The following KIRREL3 variants were observed in gnomAD, a reference collection of about 807,000 sequenced individuals.
KIRREL3 encodes the protein kirre like nephrin family adhesion molecule 3.
Under a neutral mutation model 89.7 loss-of-function variants are expected in KIRREL3, and 36 were observed. The observed-to-expected ratio is 0.40, with a 90% CI of 0.31 to 0.53. The LOEUF (loss-of-function observed/expected upper bound fraction) is 0.53, where lower values mean the gene tolerates loss of function less well. Ranked by LOEUF, KIRREL3 falls within the 20% of genes least tolerant of loss-of-function variation. The pLI is 0.49. For synonymous variants in KIRREL3, 445 were observed against 441.4 expected (o/e 1.01, Z -0.10); for missense variants, 864 against 1,056.6 (o/e 0.82, Z 2.53).
At position 126,454,533 on chromosome 11, in the gene KIRREL3, T is replaced by G. The variant is rs59736862; in HGVS notation, c.848+1816A>C. Among the ~76,000 whole-genome samples, 13,853 of 152,120 alleles carry G rather than the reference T, an allele frequency of 0.091. 829 individuals carry two copies. Among genetic ancestry groups the G allele is most frequent in the Admixed American group, 0.2 (3,085 of 15,286 alleles). ...CCCTGGGAAGCTAGCATGACAGATA[T>G]TTTCTGGGCATGTTGTACCTGGTGT... On this transcript the variant is annotated intron_variant, in intron 7 of 16. Coordinates refer to ENST00000525144, the MANE Select transcript of KIRREL3 (RefSeq NM_032531.4). This position sits in a 1 kb window ranked among gnomAD's most constrained non-coding sequence, Gnocchi z 5.8.
chr11:126,875,153 C>G (rs1016939268), intron 1 of KIRREL3, among the ~76,000 whole-genome samples: 1 of 152,108 alleles, frequency 6.6e-6, no homozygotes, highest in African/African-American at 2.4e-5. Context: ...ACCAATCAAC[C>G]AATATAGTCT....
rs1355791109 is a variant in KIRREL3 at position 126,905,362 on chromosome 11, C to G, written c.55+95093G>C. 6.6e-6 allele frequency among the ~76,000 whole-genome samples: 1 copy of G among 152,142 alleles called. No individual in the cohort carries two copies. Among genetic ancestry groups the G allele is most frequent in the African/African-American group, 2.4e-5 (1 of 41,438 alleles). Reference sequence around the variant, plus strand: ...GAAACTTCTAACCTTCAACTGCCTTCTTTTCTCATTTACACAACGCTATCC... The same window carrying G: ...GAAACTTCTAACCTTCAACTGCCTTGTTTTCTCATTTACACAACGCTATCC... On this transcript the variant is annotated intron_variant, in intron 1 of 16. Coordinates refer to ENST00000525144, the MANE Select transcript of KIRREL3 (RefSeq NM_032531.4). This position sits in a 1 kb window ranked among gnomAD's most constrained non-coding sequence, Gnocchi z 5.0.
rs564967342 is a variant in KIRREL3, at chr11:126,739,752, G to A, written c.56-176840C>T. ...GATGGAAAACACCTAAAGGAGAACC[G>A]TAGCCAACACTGCAAATCAGGCAGC... is the stretch of plus-strand genomic sequence containing the variant. On this transcript the variant is annotated intron_variant, in intron 1 of 16. Transcript: ENST00000525144. This position sits in a 1 kb window ranked among gnomAD's most constrained non-coding sequence, Gnocchi z 5.5. 5.9e-5 allele frequency among the ~76,000 whole-genome samples: 9 copies of A among 152,308 alleles called. No homozygotes were observed. Among genetic ancestry groups the A allele is most frequent in the East Asian group, 3.9e-4 (2 of 5,184 alleles).
intron 1 of KIRREL3, among the ~76,000 whole-genome samples, chr11:126,945,250 G>A (rs189107465): frequency 1.5e-4 from 23 of 152,238 alleles, no homozygotes; most frequent in Non-Finnish European, 2.6e-4. Flanking sequence ...AAACCATTGC[G>A]ATCCTTCTCA....
At chr11:126,810,615 C>A (rs761686585) in intron 1 of KIRREL3, among the ~76,000 whole-genome samples, 6 of 152,138 alleles carry the variant, frequency 3.9e-5, no homozygotes, top group Admixed American at 3.9e-4. Flanking sequence ...CATCTCTGTG[C>A]TCAGGCCCTA....
chr11:126,861,984 C>A (rs1490057537), intron 1 of KIRREL3, among the ~76,000 whole-genome samples: 2 of 152,238 alleles, frequency 1.3e-5, no homozygotes, highest in African/African-American at 4.8e-5. Flanking sequence ...TCGTAGGCAC[C>A]TGGGCATGGA....
At position 126,917,950 on chromosome 11, in the gene KIRREL3, G is replaced by A. The variant is rs530039929; in HGVS notation, c.55+82505C>T. On this transcript the variant is annotated intron_variant, in intron 1 of 16. Transcript: ENST00000525144. This position sits in a 1 kb window ranked among gnomAD's most constrained non-coding sequence, Gnocchi z 5.0. ...TGTGATGACACATCTTACAGTGATG[G>A]AGCAGAATTTAGATGCTGTGACTCA... is the stretch of plus-strand genomic sequence containing the variant. 6.6e-6 allele frequency among the ~76,000 whole-genome samples: 1 copy of A among 152,248 alleles called. No individual in the cohort carries two copies. Among genetic ancestry groups the A allele is most frequent in the Non-Finnish European group, 1.5e-5 (1 of 68,026 alleles).
chr11:126,810,846 G>T (rs1468395262), intron 1 of KIRREL3, among the ~76,000 whole-genome samples: 1 of 152,206 alleles, frequency 6.6e-6, no homozygotes, highest in Non-Finnish European at 1.5e-5. Context: ...AGCTGTGGTT[G>T]CAGTTCTGAC....
rs1046569914 is a variant in KIRREL3, at chr11:126,565,554, G to A, written c.56-2642C>T. ...CACACTGCAGAAATTTATTAAGTGC[G>A]AGGGCTCTCTGACTGAGACTTTGTA... On this transcript the variant is annotated intron_variant, in intron 1 of 16. Transcript: ENST00000525144. This position sits in a 1 kb window ranked among gnomAD's most constrained non-coding sequence, Gnocchi z 5.4. Among the ~76,000 whole-genome samples, 10 of 152,196 alleles carry A rather than the reference G, an allele frequency of 6.6e-5. No homozygotes were observed. The highest frequency in any genetic ancestry group is 1.2e-4 in the Non-Finnish European group (8 of 68,040).
Position 126,989,397 on chromosome 11 carries a change from G to C in KIRREL3, c.55+11058C>G, listed in dbSNP as rs1376777850. 6.6e-6 allele frequency among the ~76,000 whole-genome samples: 1 copy of C among 152,142 alleles called. No homozygotes were observed. Among genetic ancestry groups the C allele is most frequent in the African/African-American group, 2.4e-5 (1 of 41,426 alleles). On this transcript the variant is annotated intron_variant, in intron 1 of 16. Coordinates refer to ENST00000525144, the MANE Select transcript of KIRREL3 (RefSeq NM_032531.4). This position sits in a 1 kb window ranked among gnomAD's most constrained non-coding sequence, Gnocchi z 6.2. ...GAGCGGCAAGGGACTCTGATGGTGA[G>C]TCAGCTGAGGGAAGCTGCTGGGGTC...
rs952527626 is a variant in KIRREL3 at position 126,739,451 on chromosome 11, G to T, written c.56-176539C>A. Among the ~76,000 whole-genome samples the T allele has an allele frequency of 6.6e-6, 1 of 152,204 alleles. No homozygotes were observed. The highest frequency in any genetic ancestry group is 1.5e-5 in the Non-Finnish European group (1 of 68,038). On this transcript the variant is annotated intron_variant, in intron 1 of 16. Transcript: ENST00000525144. This position sits in a 1 kb window ranked among gnomAD's most constrained non-coding sequence, Gnocchi z 5.5. ...ATCTGGGTAAAGCAAAACAGCTCTTGAGTAGTATTTGCTCTGTCAGTCAGT... is the reference window on the plus strand; with the variant it reads ...ATCTGGGTAAAGCAAAACAGCTCTTTAGTAGTATTTGCTCTGTCAGTCAGT...
At position 126,796,375 on chromosome 11, in the gene KIRREL3, G is replaced by A. The variant is rs1950811581; in HGVS notation, c.55+204080C>T. 1.3e-5 allele frequency among the ~76,000 whole-genome samples: 2 copies of A among 152,210 alleles called. No homozygotes were observed. The highest frequency in any genetic ancestry group is 1.3e-4 in the Admixed American group (2 of 15,290). ...GGCTGGGGATTGTCTTGGATGGAAG[G>A]ATCTCATTCTGCCCGTCCTGTCCCG... On this transcript the variant is annotated intron_variant, in intron 1 of 16. Transcript: ENST00000525144. The surrounding 1 kb of genome is among the most constrained non-coding windows in gnomAD (Gnocchi z 5.1).
intron 1 of KIRREL3, among the ~76,000 whole-genome samples, chr11:126,857,345 G>A (rs1287523996): frequency 6.6e-6 from 1 of 152,364 alleles, no homozygotes; most frequent in East Asian, 1.9e-4. Flanking sequence ...CCAACTTGCA[G>A]AGAACAGGAA....
At chr11:126,452,641 C>A (rs993369431) in intron 7 of KIRREL3, among the ~76,000 whole-genome samples, 1 of 152,250 alleles carries the variant, frequency 6.6e-6, no homozygotes, top group Non-Finnish European at 1.5e-5. Context: ...GAAGCCCCAC[C>A]TGCTTGGCCC....
intron 1 of KIRREL3, among the ~76,000 whole-genome samples, chr11:126,960,459 G>C (rs1468986753): frequency 6.6e-6 from 1 of 152,176 alleles, no homozygotes; most frequent in Non-Finnish European, 1.5e-5. Context: ...GGGATCTTAA[G>C]ACTTTGATTT....
chr11:126,913,011 C>T (rs934790294), intron 1 of KIRREL3, among the ~76,000 whole-genome samples: 4 of 152,320 alleles, frequency 2.6e-5, no homozygotes, highest in Admixed American at 2.0e-4. Context: ...GCTGAGCACA[C>T]GTAGTTACCA....
At position 126,909,479 on chromosome 11, in the gene KIRREL3, C is replaced by T. The variant is rs898124576; in HGVS notation, c.55+90976G>A. Among the ~76,000 whole-genome samples the T allele has an allele frequency of 2.0e-5, 3 of 152,184 alleles. No homozygotes were observed. Among genetic ancestry groups the T allele is most frequent in the South Asian group, 4.1e-4 (2 of 4,830 alleles). On this transcript the variant is annotated intron_variant, in intron 1 of 16. Transcript: ENST00000525144. The surrounding 1 kb of genome is among the most constrained non-coding windows in gnomAD (Gnocchi z 4.5). ...TATTCCTTCAGCACGTGCTAAGCGC[C>T]GACTCTCAGGGCATGGCTCTGAGGA...
Position 126,642,296 on chromosome 11 carries a change from G to A in KIRREL3, c.56-79384C>T, listed in dbSNP as rs1944501110. Among the ~76,000 whole-genome samples the A allele has an allele frequency of 6.6e-6, 1 of 152,218 alleles. No homozygotes were observed. Among genetic ancestry groups the A allele is most frequent in the Non-Finnish European group, 1.5e-5 (1 of 68,040 alleles). ...TTCCCCATTTCTGAGACCAGCAAGA[G>A]GCTCTGTTTGCGCCAAGTCTCCCTG... On this transcript the variant is annotated intron_variant, in intron 1 of 16. Coordinates refer to ENST00000525144, the MANE Select transcript of KIRREL3 (RefSeq NM_032531.4). This position sits in a 1 kb window ranked among gnomAD's most constrained non-coding sequence, Gnocchi z 4.9.
rs983825875 is a variant in KIRREL3 at position 126,555,248 on chromosome 11, T to C, written c.133+7587A>G. Among the ~76,000 whole-genome samples, 31 of 151,996 alleles carry C rather than the reference T, an allele frequency of 2.0e-4. No individual in the cohort carries two copies. Among genetic ancestry groups the C allele is most frequent in the Non-Finnish European group, 3.4e-4 (23 of 68,004 alleles). ...TTCCTGCACTTGCTTGCTCACACAC[T>C]CCCTCTCTCAAGCAGTGGCCAGAGG... On this transcript the variant is annotated intron_variant, in intron 2 of 16. Transcript: ENST00000525144. The surrounding 1 kb of genome is among the most constrained non-coding windows in gnomAD (Gnocchi z 4.2).
Sources: allele counts gnomAD v4.1 joint callset (sites outside exome capture counted in the v4.1 genomes callset), GRCh38; gene constraint gnomAD v4.1.1; non-coding constraint Gnocchi (gnomAD v3.1); transcripts MANE v1.5; gene names NCBI Gene and HGNC (gene_info 2026-07-23, HGNC 2026-07-21).